NKAIN2: variants seen among roughly 807,000 people sequenced by gnomAD.
NKAIN2 encodes the protein sodium/potassium-transporting ATPase subunit beta-1-interacting protein 2.
A neutral mutation model predicts 32.6 loss-of-function variants in NKAIN2; 14 were observed. That is an observed-to-expected ratio of 0.43 (90% CI 0.28 to 0.67). The LOEUF is 0.67. Among genes scored for constraint, NKAIN2 ranks in the 30% least tolerant of loss-of-function variants. The pLI, the probability that NKAIN2 is intolerant of heterozygous loss-of-function variation, is 0.17. For missense variants in NKAIN2, 198 were observed against 258.3 expected, an observed-to-expected ratio of 0.77 and a Z score of 1.60; for synonymous variants, 80 against 87.2, an observed-to-expected ratio of 0.92 and a Z score of 0.46.
At chr6:124,666,748 T>C (rs1772816187) in intron 4 of NKAIN2, among the ~76,000 whole-genome samples, 1 of 152,142 alleles carries the variant, frequency 6.6e-6, no homozygotes. Flanking sequence ...TTTAAGATTT[T>C]TTTTTGCTTT....
At chr6:124,131,943 A>G (rs1786501784) in intron 1 of NKAIN2, among the ~76,000 whole-genome samples, 1 of 152,150 alleles carries the variant, frequency 6.6e-6, no homozygotes, top group Non-Finnish European at 1.5e-5. Context: ...TGCCATTGTG[A>G]GCAGATGGGG....
intron 3 of NKAIN2, chr6:124,490,412 GTTT>G (rs3052658): frequency 1.2e-4 from 37 of 312,738 alleles, no homozygotes; most frequent in South Asian, 2.5e-4. Flanking sequence ...AATCATAGAG[GTTT>G]TTTTTTTTTT....
chr6:124,251,878 C>T (rs924941701), intron 1 of NKAIN2, among the ~76,000 whole-genome samples: 3 of 151,838 alleles, frequency 2.0e-5, no homozygotes, highest in Admixed American at 6.6e-5. Context: ...AATGTAAAAC[C>T]TATAGAAATT....
At chr6:124,451,331 A>G (rs1776099218) in intron 3 of NKAIN2, among the ~76,000 whole-genome samples, 1 of 152,166 alleles carries the variant, frequency 6.6e-6, no homozygotes, top group South Asian at 2.1e-4. Context: ...AAAAATCACT[A>G]ATATATCCAC....
intron 1 of NKAIN2, among the ~76,000 whole-genome samples, chr6:124,033,423 G>T (rs1355284880): frequency 6.6e-6 from 1 of 152,036 alleles, no homozygotes; most frequent in South Asian, 2.1e-4. Context: ...TACAAGTAGG[G>T]GGAAGAAAGC....
intron 4 of NKAIN2, among the ~76,000 whole-genome samples, chr6:124,767,455 A>G (rs189046745): frequency 6.6e-6 from 1 of 152,182 alleles, no homozygotes; most frequent in East Asian, 1.9e-4. Flanking sequence ...GTCCTAGGCC[A>G]TTACCTTTAC....
rs749438679 is a variant in NKAIN2 at position 124,357,883 on chromosome 6, G to A, written c.273+2536G>A. The stretch of plus-strand genomic sequence containing the variant: ...GTTGGTGTGCTGCACCCATTAACTC[G>A]TCATTTAACATTAGGTATATCTCCT... On this transcript the variant is annotated intron_variant, in intron 3 of 6. Transcript: ENST00000368417. Among the ~76,000 whole-genome samples the A allele has an allele frequency of 6.2e-4, 94 of 152,052 alleles. 1 individual carries two copies. The highest frequency in any genetic ancestry group is 3.4e-3 in the Middle Eastern group (1 of 294).
chr6:124,094,140 A>C (rs1464067021), intron 1 of NKAIN2, among the ~76,000 whole-genome samples: 4 of 152,142 alleles, frequency 2.6e-5, no homozygotes, highest in Admixed American at 6.6e-5. Context: ...CAGCTTTAAG[A>C]TACAGATATC....
chr6:124,203,616 T>C (rs1790699897), intron 1 of NKAIN2, among the ~76,000 whole-genome samples: 1 of 151,454 alleles, frequency 6.6e-6, no homozygotes, highest in African/African-American at 2.4e-5. Context: ...GTGGTTGGAG[T>C]GGTTGAAGGA....
intron 1 of NKAIN2, among the ~76,000 whole-genome samples, chr6:123,862,715 C>T (rs1775832425): frequency 6.6e-6 from 1 of 152,062 alleles, no homozygotes. Flanking sequence ...TGTTACTATC[C>T]ATTTCTCATA....
Position 124,053,435 on chromosome 6 carries a change from C to T in NKAIN2, c.55-229570C>T, listed in dbSNP as rs1187716649. ...TCAGCATTTGCTAAGCATTAAACACCACCTGTCTTAAACCTCGGCAACAGG... is the reference window on the plus strand; with the variant it reads ...TCAGCATTTGCTAAGCATTAAACACTACCTGTCTTAAACCTCGGCAACAGG... On this transcript the variant is annotated intron_variant, in intron 1 of 6. Transcript: ENST00000368417. 2.6e-5 allele frequency among the ~76,000 whole-genome samples: 4 copies of T among 152,024 alleles called. No homozygotes were observed. In the East Asian group the frequency reaches 7.8e-4, roughly 29 times the overall value.
chr6:124,325,124 A>T lies in NKAIN2; in HGVS notation c.193-30143A>T, dbSNP rs145165564. On this transcript the variant is annotated intron_variant, in intron 2 of 6. Transcript: ENST00000368417. ...AATTAATGATTTGAATAGCCTCATC[A>T]CTCTTAAATAAATTTAATTTATTAT... Among the ~76,000 whole-genome samples, 22 of 152,106 alleles carry T rather than the reference A, an allele frequency of 1.4e-4. No homozygotes were observed. In the East Asian group the frequency reaches 4.3e-3, roughly 29 times the overall value.
rs182665579 is a variant in NKAIN2, at chr6:124,521,951, T to C, written c.274-136235T>C. 1.9e-4 allele frequency among the ~76,000 whole-genome samples: 29 copies of C among 152,326 alleles called. No individual in the cohort carries two copies. The East Asian group carries it at 4.6e-3, about 24-fold the overall frequency. The stretch of plus-strand genomic sequence containing the variant: ...CCACCCTCTTTAATGATCCATCTTA[T>C]GCTTAGTTTCCTAATCACTAATAGA... On this transcript the variant is annotated intron_variant, in intron 3 of 6. Coordinates refer to ENST00000368417, the MANE Select transcript of NKAIN2 (RefSeq NM_001040214.3).
At chr6:124,400,137 C>A (rs1472697440) in intron 3 of NKAIN2, among the ~76,000 whole-genome samples, 2 of 152,116 alleles carry the variant, frequency 1.3e-5, no homozygotes, top group Non-Finnish European at 2.9e-5. Flanking sequence ...TCAGACAGGT[C>A]AGTGGTTCTC....
chr6:124,687,736 TG>T (rs1460628345), intron 4 of NKAIN2, among the ~76,000 whole-genome samples: 1 of 38,070 alleles, frequency 2.6e-5, no homozygotes, highest in East Asian at 8.4e-4. Context: ...TAAATATATA[TG>T]ATATATACAC....
intron 3 of NKAIN2, among the ~76,000 whole-genome samples, chr6:124,426,244 A>G (rs892532655): frequency 6.6e-6 from 1 of 152,198 alleles, no homozygotes; most frequent in African/African-American, 2.4e-5. Flanking sequence ...GTACTTTTCC[A>G]GTGGAAGAAA....
At chr6:124,711,822 C>G (rs1298958070) in intron 4 of NKAIN2, among the ~76,000 whole-genome samples, 1 of 152,172 alleles carries the variant, frequency 6.6e-6, no homozygotes, top group Non-Finnish European at 1.5e-5. Context: ...CTCAGCTCGT[C>G]AAAGTCATTC....
rs553422240 is a variant in NKAIN2 at position 124,469,846 on chromosome 6, C to T, written c.273+114499C>T. On this transcript the variant is annotated intron_variant, in intron 3 of 6. Coordinates refer to ENST00000368417, the MANE Select transcript of NKAIN2 (RefSeq NM_001040214.3). The stretch of plus-strand genomic sequence containing the variant: ...CCCTGCACTGGCCTGGAATTACATG[C>T]TAATTAGATGTTCTTCTCCCCGTCA... 1.4e-4 allele frequency among the ~76,000 whole-genome samples: 22 copies of T among 152,252 alleles called. 1 individual carries two copies. The South Asian group carries it at 4.1e-3, about 29-fold the overall frequency.
intron 1 of NKAIN2, among the ~76,000 whole-genome samples, chr6:123,919,934 CTTTAA>C: frequency 6.6e-6 from 1 of 152,180 alleles, no homozygotes; most frequent in South Asian, 2.1e-4. Flanking sequence ...ATAATGTTAA[CTTTAA>C]TTTATTCAGT....
Sources: allele counts gnomAD v4.1 joint callset (sites outside exome capture counted in the v4.1 genomes callset), GRCh38; gene constraint gnomAD v4.1.1; transcripts MANE v1.5; gene names NCBI Gene and HGNC (gene_info 2026-07-23, HGNC 2026-07-21).